REEP3: variants seen among roughly 807,000 people sequenced by gnomAD.
REEP3 encodes the protein receptor accessory protein 3, also known as receptor expression-enhancing protein 3.
A neutral mutation model predicts 41.3 loss-of-function variants in REEP3; 20 were observed. The observed-to-expected ratio is 0.48, with a 90% CI of 0.34 to 0.70. REEP3 has a LOEUF of 0.70. REEP3 is among the 30% of genes least tolerant of loss of function. The pLI, the probability that REEP3 is intolerant of heterozygous loss-of-function variation, is 0.01. For missense variants in REEP3, 271 were observed against 308.8 expected (o/e 0.88, Z 0.92); for synonymous variants, 104 against 101.8 (o/e 1.02, Z -0.13).
chr10:63,527,475 C>G (rs1473963379), intron 1 of REEP3, among the ~76,000 whole-genome samples: 2 of 151,984 alleles, frequency 1.3e-5, no homozygotes, highest in Non-Finnish European at 2.9e-5. Flanking sequence ...AGTTCCAGAC[C>G]AATCCAGGCA....
intron 2 of REEP3, among the ~76,000 whole-genome samples, chr10:63,572,881 A>G (rs188933049): frequency 1.3e-5 from 2 of 152,304 alleles, no homozygotes; most frequent in African/African-American, 4.8e-5. Context: ...TAAATATCAA[A>G]TATTGTGCTT....
chr10:63,544,752 A>G (rs1226016231), intron 1 of REEP3, among the ~76,000 whole-genome samples: 1 of 152,210 alleles, frequency 6.6e-6, no homozygotes, highest in Non-Finnish European at 1.5e-5. Flanking sequence ...TAACTTGCAC[A>G]TATTACATAT....
At chr10:63,611,071 C>T (rs1408515880) in intron 6 of REEP3, among the ~76,000 whole-genome samples, 1 of 151,064 alleles carries the variant, frequency 6.6e-6, no homozygotes, top group South Asian at 2.1e-4. Context: ...GACTTTATCT[C>T]AGGAAAAAAA....
intron 6 of REEP3, among the ~76,000 whole-genome samples, chr10:63,619,217 GA>G (rs1311241215): frequency 6.6e-6 from 1 of 152,110 alleles, no homozygotes; most frequent in Non-Finnish European, 1.5e-5. Flanking sequence ...ACGACACATA[GA>G]ACGGAAAAGC....
At chr10:63,553,297 T>A (rs1001586975) in intron 1 of REEP3, among the ~76,000 whole-genome samples, 2 of 152,098 alleles carry the variant, frequency 1.3e-5, no homozygotes, top group African/African-American at 4.8e-5. Flanking sequence ...AGGAAGTGGT[T>A]TAAGAAATAT....
intron 6 of REEP3, among the ~76,000 whole-genome samples, chr10:63,611,673 T>A (rs1222474556): frequency 6.6e-6 from 1 of 151,918 alleles, no homozygotes; most frequent in East Asian, 1.9e-4. Flanking sequence ...AAAAAAGAAG[T>A]TTTCTTTTGA....
At chr10:63,583,770 G>C (rs1277782778) in intron 2 of REEP3, among the ~76,000 whole-genome samples, 1 of 152,148 alleles carries the variant, frequency 6.6e-6, no homozygotes, top group Non-Finnish European at 1.5e-5. Flanking sequence ...AAAGGGAACT[G>C]TGTCTCTTAC....
chr10:63,542,228 C>T (rs1424419507), intron 1 of REEP3, among the ~76,000 whole-genome samples: 1 of 151,962 alleles, frequency 6.6e-6, no homozygotes, highest in Non-Finnish European at 1.5e-5. Flanking sequence ...TACAGGCATG[C>T]ACACCATGCC....
chr10:63,534,464 G>T (rs61276778), intron 1 of REEP3, among the ~76,000 whole-genome samples: 2,896 of 152,192 alleles, frequency 0.019, 87 homozygotes, highest in African/African-American at 0.064. Context: ...TGCCCAGACT[G>T]TTCTTAAACT....
chr10:63,604,662 G>T (rs80349734), intron 5 of REEP3, among the ~76,000 whole-genome samples: 2 of 152,068 alleles, frequency 1.3e-5, no homozygotes, highest in Non-Finnish European at 1.5e-5. Flanking sequence ...AAAAAAAAGG[G>T]AAGAATGTTT....
intron 6 of REEP3, 54 bp from the exon 7 acceptor site, chr10:63,619,601 G>A (rs554711364): frequency 1.2e-4 from 185 of 1,519,974 alleles, no homozygotes; most frequent in African/African-American, 1.2e-3. Context: ...TCAAAGAGCC[G>A]GCGCTGACTG....
intron 6 of REEP3, among the ~76,000 whole-genome samples, chr10:63,611,283 T>A (rs1463296678): frequency 3.3e-5 from 5 of 152,224 alleles, no homozygotes; most frequent in Admixed American, 2.6e-4. Flanking sequence ...GAACACTCTT[T>A]ACTGTAAGTG....
intron 3 of REEP3, among the ~76,000 whole-genome samples, chr10:63,596,412 C>T (rs1956115766): frequency 6.6e-6 from 1 of 151,300 alleles, no homozygotes; most frequent in Non-Finnish European, 1.5e-5. Context: ...TAAAAATGAA[C>T]GATGTAGAAA....
intron 2 of REEP3, among the ~76,000 whole-genome samples, chr10:63,582,199 A>G (rs1489497031): frequency 6.6e-6 from 1 of 152,242 alleles, no homozygotes; most frequent in Non-Finnish European, 1.5e-5. Flanking sequence ...CATTTCCAAC[A>G]GGCTTCCAGG....
At chr10:63,563,258 G>T (rs2133372838) in intron 1 of REEP3, among the ~76,000 whole-genome samples, 1 of 152,274 alleles carries the variant, frequency 6.6e-6, no homozygotes, top group African/African-American at 2.4e-5. Context: ...TAAAACAAAA[G>T]ATAATAACCT....
chr10:63,614,581 C>T (rs1956299036), intron 6 of REEP3, among the ~76,000 whole-genome samples: 2 of 152,212 alleles, frequency 1.3e-5, no homozygotes, highest in African/African-American at 4.8e-5. Flanking sequence ...TCTTACCTGG[C>T]AGCTGAAGGC....
At chr10:63,574,484 T>G (rs1027657181) in intron 2 of REEP3, among the ~76,000 whole-genome samples, 1 of 152,226 alleles carries the variant, frequency 6.6e-6, no homozygotes, top group African/African-American at 2.4e-5. Context: ...CAGTAAGTAG[T>G]AGTAAATAAT....
chr10:63,578,352 C>G (rs1358403943), intron 2 of REEP3, among the ~76,000 whole-genome samples: 3 of 152,190 alleles, frequency 2.0e-5, no homozygotes, highest in Admixed American at 1.3e-4. Context: ...CCTGCCTCAG[C>G]CTCCCAAAGT....
intron 1 of REEP3, among the ~76,000 whole-genome samples, chr10:63,543,738 C>T (rs1338159633): frequency 6.6e-6 from 1 of 152,056 alleles, no homozygotes; most frequent in Non-Finnish European, 1.5e-5. Flanking sequence ...CTAAGCATGA[C>T]ACAGTTTCCG....
Sources: allele counts gnomAD v4.1 joint callset (sites outside exome capture counted in the v4.1 genomes callset), GRCh38; gene constraint gnomAD v4.1.1; transcripts MANE v1.5; gene names NCBI Gene and HGNC (gene_info 2026-07-23, HGNC 2026-07-21).